The following B9D2 variants were observed in gnomAD, a reference collection of about 807,000 sequenced individuals.
The protein encoded by B9D2 is B9 domain containing 2, also known as B9 domain-containing protein 2.
A neutral mutation model predicts 19.2 loss-of-function variants in B9D2; 21 were observed. That is an observed-to-expected ratio of 1.09 (90% CI 0.78 to 1.58). The LOEUF (loss-of-function observed/expected upper bound fraction) is 1.58, where lower values mean the gene tolerates loss of function less well. Ranked by LOEUF, B9D2 falls within the 40% of genes most tolerant of loss-of-function variation. The probability of loss-of-function intolerance (pLI) is 0.00; values close to 1 mark genes in which losing one functional copy is unlikely to be tolerated. For missense variants in B9D2, 221 were observed against 244.3 expected (o/e 0.90, Z 0.64); for synonymous variants, 91 against 100.6 (o/e 0.90, Z 0.57).
rs2038288088 is a variant in B9D2, at chr19:41,354,992, T to C, written c.236A>G (p.Gln79Arg). 6.2e-7 allele frequency: 1 copy of C among 1,602,350 alleles called. No individual in the cohort carries two copies. Among genetic ancestry groups the C allele is most frequent in the African/African-American group, 1.3e-5 (1 of 74,628 alleles). Reference protein sequence around the residue: ...GLQGWPRLHFQVWSQDSFGRC... With the variant: ...GLQGWPRLHFRVWSQDSFGRC... The stretch of plus-strand genomic sequence containing the variant: ...GCCAAAGCTGTCCTGGGACCACACC[T>C]GGAAATGGAGCCGGGGCCAGCCTGC... Residue 79 changes from glutamine (Q) to arginine (R), a missense_variant, in exon 4 of 4, where the codon CAG becomes CGG. Gln to Arg is a conservative substitution (Grantham distance 43). Transcript: ENST00000243578.
At chr19:41,356,601 T>G (rs2038317164) in intron 3 of B9D2, among the ~76,000 whole-genome samples, 1 of 151,778 alleles carries the variant, frequency 6.6e-6, no homozygotes, top group Non-Finnish European at 1.5e-5. Flanking sequence ...CCCAGCACTT[T>G]GGGAGGCCGA....
chr19:41,358,397 C>T (rs1399073946), intron 2 of B9D2, among the ~76,000 whole-genome samples: 1 of 151,512 alleles, frequency 6.6e-6, no homozygotes. Flanking sequence ...TAGTAAGAGC[C>T]TTCTTGCTGG....
chr19:41,356,368 G>A (rs532657105), intron 3 of B9D2, among the ~76,000 whole-genome samples: 2 of 152,154 alleles, frequency 1.3e-5, no homozygotes, highest in Non-Finnish European at 2.9e-5. Context: ...AGTAGAGGCA[G>A]TTTAAGATTT....
At chr19:41,357,861 C>T in intron 3 of B9D2, 36 bp downstream of exon 3, 1 of 1,613,110 alleles carries the variant, frequency 6.2e-7, no homozygotes, top group Non-Finnish European at 8.5e-7. Context: ...GGCCCCCTCC[C>T]CTCAGCCTGG....
chr19:41,363,343 A>T, intron 2 of B9D2, 89 bp downstream of exon 2: 1 of 1,304,580 alleles, frequency 7.7e-7, no homozygotes, highest in Non-Finnish European at 1.1e-6. Flanking sequence ...AAATGAGGTT[A>T]AGAGTCTGCG....
rs781608263 is a variant in B9D2, at chr19:41,354,966, G to T, written c.262C>A (p.Arg88Ser). The T allele has an allele frequency of 6.2e-7, 1 of 1,611,000 alleles. No homozygotes were observed. Among genetic ancestry groups the T allele is most frequent in the South Asian group, 1.1e-5 (1 of 90,764 alleles). Residue 88 changes from arginine (R) to serine (S), a missense_variant, in exon 4 of 4, where the codon CGC becomes AGC. Arg to Ser is a moderately radical substitution (Grantham distance 110). Transcript: ENST00000243578. ...AATCCATAGCCTGCAAGCTGGCAGC[G>T]GCCAAAGCTGTCCTGGGACCACACC... ...FQVWSQDSFG[R>S]CQLAGYGFCH...
intron 3 of B9D2, among the ~76,000 whole-genome samples, chr19:41,356,696 C>T (rs2038319575): frequency 1.3e-5 from 2 of 150,558 alleles, no homozygotes; most frequent in South Asian, 4.2e-4. Context: ...AAAAAAAAGG[C>T]AAAAATTAGC....
At chr19:41,360,538 T>C (rs1458487734) in intron 2 of B9D2, among the ~76,000 whole-genome samples, 1 of 151,768 alleles carries the variant, frequency 6.6e-6, no homozygotes. Flanking sequence ...AGACTTTTGC[T>C]CTTGTTGCCC....
intron 3 of B9D2, among the ~76,000 whole-genome samples, chr19:41,357,608 C>T (rs1269292579): frequency 6.6e-6 from 1 of 152,100 alleles, no homozygotes; most frequent in Non-Finnish European, 1.5e-5. Flanking sequence ...ATTGGAGACT[C>T]TCGTTTTGTC....
chr19:41,360,313 C>T (rs747079510), intron 2 of B9D2, among the ~76,000 whole-genome samples: 2 of 151,986 alleles, frequency 1.3e-5, no homozygotes, highest in Admixed American at 1.3e-4. Context: ...GTAGTTGGGA[C>T]GACAGGCACA....
At position 41,354,928 on chromosome 19, in the gene B9D2, G is replaced by A. The variant is rs1192351127; in HGVS notation, c.300C>T (p.Pro100=). Residue 100 remains proline, a synonymous_variant, in exon 4 of 4, where the codon CCC becomes CCT. Transcript: ENST00000243578. The part of the protein sequence containing the change: ...QLAGYGFCHV[P]SSPGTHQLAC... ...CCAGCTGGTGGGTGCCCGGGCTACT[G>A]GGCACATGGCAAAATCCATAGCCTG... The A allele has an allele frequency of 5.0e-6, 8 of 1,613,310 alleles. No individual in the cohort carries two copies. Among genetic ancestry groups the A allele is most frequent in the Non-Finnish European group, 6.8e-6 (8 of 1,179,790 alleles).
Position 41,359,850 on chromosome 19 carries a change from C to T in B9D2, c.89-1828G>A, listed in dbSNP as rs573225936. Among the ~76,000 whole-genome samples the T allele has an allele frequency of 8.5e-5, 13 of 152,230 alleles. No homozygotes were observed. The East Asian group carries it at 2.3e-3, about 27-fold the overall frequency. On this transcript the variant is annotated intron_variant, in intron 2 of 3. Transcript: ENST00000243578. ...CACCCCCCAGTTTACAGACCCTCCA[C>T]CATGGCCCACGTGGCCTGGCTCTTG... is the stretch of plus-strand genomic sequence containing the variant.
chr19:41,362,147 G>A (rs2038415860), intron 2 of B9D2, among the ~76,000 whole-genome samples: 1 of 150,212 alleles, frequency 6.7e-6, no homozygotes, highest in South Asian at 2.1e-4. Flanking sequence ...ACTTTGGGAG[G>A]CCGAGATGGG....
chr19:41,363,578 T>C, intron 1 of B9D2, 55 bp from the exon 2 acceptor site: 2 of 1,455,176 alleles, frequency 1.4e-6, no homozygotes, highest in Non-Finnish European at 1.9e-6. Flanking sequence ...TTATCTCCAT[T>C]TGACGGGGGG....
intron 3 of B9D2, 35 bp downstream of exon 3, chr19:41,357,862 C>A (rs1241516743): frequency 1.2e-6 from 2 of 1,613,104 alleles, no homozygotes; most frequent in Non-Finnish European, 8.5e-7. Context: ...GCCCCCTCCC[C>A]TCAGCCTGGA....
chr19:41,358,220 C>A (rs1002083193), intron 2 of B9D2, among the ~76,000 whole-genome samples, 198 bp from the exon 3 acceptor site: 1 of 152,184 alleles, frequency 6.6e-6, no homozygotes, highest in Non-Finnish European at 1.5e-5. Context: ...GCTTTCTCTG[C>A]CTTGGTCTCC....
chr19:41,354,962 C>A lies in B9D2; in HGVS notation c.266G>T (p.Cys89Phe). ...GCAAAATCCATAGCCTGCAAGCTGG[C>A]AGCGGCCAAAGCTGTCCTGGGACCA... ...QVWSQDSFGR[C>F]QLAGYGFCHV... Residue 89 changes from cysteine (C) to phenylalanine (F), a missense_variant, in exon 4 of 4, where the codon TGC becomes TTC. Coordinates refer to ENST00000243578, the MANE Select transcript of B9D2 (RefSeq NM_030578.4). 1 of 1,611,386 alleles carries A rather than the reference C, an allele frequency of 6.2e-7. No homozygotes were observed. The highest frequency in any genetic ancestry group is 1.3e-5 in the African/African-American group (1 of 74,986).
chr19:41,358,363 T>C (rs557020049), intron 2 of B9D2, among the ~76,000 whole-genome samples: 1 of 152,252 alleles, frequency 6.6e-6, no homozygotes, highest in Admixed American at 6.5e-5. Flanking sequence ...TATAGGAGAC[T>C]GACCAAGGTG....
intron 3 of B9D2, 22 bp downstream of exon 3, chr19:41,357,875 C>T (rs776771096): frequency 7.4e-6 from 12 of 1,613,682 alleles, no homozygotes; most frequent in East Asian, 6.7e-5. Flanking sequence ...AGCCTGGACC[C>T]GGGTCCAGGT....
Sources: gnomAD v4.1 joint callset for allele counts (sites outside exome capture counted in the v4.1 genomes callset) on GRCh38, gnomAD v4.1.1 for gene constraint, MANE v1.5 for transcripts, NCBI Gene and HGNC (gene_info 2026-07-23, HGNC 2026-07-21) for gene names.